Variants in GIGYF2 observed in about 807,000 individuals in gnomAD.
The protein encoded by GIGYF2 is GRB10-interacting GYF protein 2.
A neutral mutation model predicts 208.1 loss-of-function variants in GIGYF2; 25 were observed. That is an observed-to-expected ratio of 0.12 (90% CI 0.09 to 0.17). GIGYF2 has a LOEUF of 0.17. Ranked by LOEUF, GIGYF2 falls within the 10% of genes least tolerant of loss-of-function variation. The pLI, the probability that GIGYF2 is intolerant of heterozygous loss-of-function variation, is 1.00. For missense variants in GIGYF2, 1,302 were observed against 1,579.4 expected (o/e 0.82, Z 2.98); for synonymous variants, 534 against 543.8 (o/e 0.98, Z 0.25).
chr2:232,797,576 G>A (rs1310545177), intron 14 of GIGYF2, among the ~76,000 whole-genome samples: 4 of 150,546 alleles, frequency 2.7e-5, no homozygotes, highest in Admixed American at 2.0e-4. Context: ...GTAATTATAA[G>A]GAATAATACA....
chr2:232,800,092 G>A (rs945152583), intron 14 of GIGYF2, among the ~76,000 whole-genome samples: 3 of 150,846 alleles, frequency 2.0e-5, no homozygotes, highest in African/African-American at 7.3e-5. Flanking sequence ...TTACTCTGCT[G>A]ATAATGTCTT....
At chr2:232,747,766 T>A (rs1222605786) in intron 4 of GIGYF2, 22 bp downstream of exon 4, 1 of 1,609,000 alleles carries the variant, frequency 6.2e-7, no homozygotes, top group Non-Finnish European at 8.5e-7. Flanking sequence ...GGAAAAGAGT[T>A]CAAAATTGTG....
intron 2 of GIGYF2, among the ~76,000 whole-genome samples, chr2:232,731,975 G>A (rs142579783): frequency 2.0e-5 from 3 of 152,168 alleles, no homozygotes; most frequent in Admixed American, 2.0e-4. Context: ...GAAAATAGAA[G>A]TAAAATAAAT....
chr2:232,758,729 T>C (rs1306073482), intron 6 of GIGYF2, among the ~76,000 whole-genome samples: 2 of 152,210 alleles, frequency 1.3e-5, no homozygotes, highest in Non-Finnish European at 2.9e-5. Context: ...CTATTTTTTA[T>C]ATTTATATGT....
At chr2:232,853,302 C>T (rs1690429490) in intron 28 of GIGYF2, among the ~76,000 whole-genome samples, 1 of 152,136 alleles carries the variant, frequency 6.6e-6, no homozygotes, top group Non-Finnish European at 1.5e-5. Flanking sequence ...CAGAGGGGGC[C>T]ACAGCCTCAT....
chr2:232,723,961 C>T lies in GIGYF2; in HGVS notation c.-43-11194C>T, dbSNP rs112375093. On this transcript the variant is annotated intron_variant, in intron 2 of 28. Transcript: ENST00000373563. Reference sequence around the variant, plus strand: ...CCATGTTAGGCTGGTCTCGAATTCCCGACCTCAGGTGATACGCCTGCCTCG... The same window carrying T: ...CCATGTTAGGCTGGTCTCGAATTCCTGACCTCAGGTGATACGCCTGCCTCG... Among the ~76,000 whole-genome samples, 1,334 of 150,540 alleles carry T rather than the reference C, an allele frequency of 8.9e-3. 28 individuals carry two copies. The highest frequency in any genetic ancestry group is 0.031 in the African/African-American group (1,268 of 40,858).
At chr2:232,733,193 C>T (rs963512232) in intron 2 of GIGYF2, among the ~76,000 whole-genome samples, 4 of 149,520 alleles carry the variant, frequency 2.7e-5, no homozygotes, top group Non-Finnish European at 4.4e-5. Flanking sequence ...GGAGGCGGAG[C>T]TTACAGTGAG....
At chr2:232,740,575 CAAG>C (rs1418879042) in intron 3 of GIGYF2, among the ~76,000 whole-genome samples, 2 of 152,140 alleles carry the variant, frequency 1.3e-5, no homozygotes, top group Non-Finnish European at 2.9e-5. Flanking sequence ...GCGCCTTGCC[CAAG>C]AAGAGCTAAT....
intron 17 of GIGYF2, among the ~76,000 whole-genome samples, chr2:232,811,978 G>T (rs1468989734): frequency 6.6e-6 from 1 of 152,194 alleles, no homozygotes; most frequent in Non-Finnish European, 1.5e-5. Context: ...CTGAGAGGCT[G>T]TAGGACTTGA....
chr2:232,851,319 T>C (rs1690313008), intron 28 of GIGYF2, among the ~76,000 whole-genome samples: 1 of 152,172 alleles, frequency 6.6e-6, no homozygotes, highest in Non-Finnish European at 1.5e-5. Flanking sequence ...GAATTTGGGC[T>C]TTGAAAGAAT....
chr2:232,850,685 G>C (rs1426294407), intron 28 of GIGYF2, among the ~76,000 whole-genome samples: 5 of 152,114 alleles, frequency 3.3e-5, no homozygotes, highest in Admixed American at 3.3e-4. Flanking sequence ...GAATTTCCCT[G>C]GAGGATCCTG....
chr2:232,800,445 A>G (rs1027058748), intron 14 of GIGYF2, among the ~76,000 whole-genome samples: 1 of 151,986 alleles, frequency 6.6e-6, no homozygotes, highest in African/African-American at 2.4e-5. Context: ...ACTCTGGTTC[A>G]TTTTGGGGCC....
chr2:232,781,949 G>A (rs1699735091), intron 8 of GIGYF2, among the ~76,000 whole-genome samples: 1 of 152,186 alleles, frequency 6.6e-6, no homozygotes, highest in Non-Finnish European at 1.5e-5. Context: ...GTTAATGATG[G>A]TTGACTTAAT....
At chr2:232,850,464 T>A in intron 28 of GIGYF2, 55 bp downstream of exon 28, 1 of 1,491,530 alleles carries the variant, frequency 6.7e-7, no homozygotes, top group Non-Finnish European at 9.4e-7. Context: ...TGATACCAGT[T>A]ATCCTGTGTG....
intron 2 of GIGYF2, among the ~76,000 whole-genome samples, chr2:232,703,997 C>T (rs962889277): frequency 1.5e-4 from 23 of 152,186 alleles, no homozygotes; most frequent in Non-Finnish European, 2.9e-4. Context: ...AACTTAGGCT[C>T]TAGTGCCAGT....
chr2:232,716,382 T>G (rs1186445368), intron 2 of GIGYF2, among the ~76,000 whole-genome samples: 2 of 144,060 alleles, frequency 1.4e-5, no homozygotes, highest in Admixed American at 6.9e-5. Context: ...TTGTTTTTTT[T>G]TTTTTTTTTT....
At chr2:232,789,244 TC>T (rs1247038598) in intron 9 of GIGYF2, among the ~76,000 whole-genome samples, 7 of 152,042 alleles carry the variant, frequency 4.6e-5, no homozygotes. Context: ...AAATAGGGCT[TC>T]CGGCTGGATG....
intron 8 of GIGYF2, among the ~76,000 whole-genome samples, chr2:232,769,287 T>C (rs1283440890): frequency 6.6e-6 from 1 of 152,036 alleles, no homozygotes; most frequent in Non-Finnish European, 1.5e-5. Context: ...TCCCGGCACT[T>C]TGGGAGCCCG....
chr2:232,734,106 A>G (rs1009992017), intron 2 of GIGYF2, among the ~76,000 whole-genome samples: 1 of 146,664 alleles, frequency 6.8e-6, no homozygotes, highest in East Asian at 2.0e-4. Context: ...ATTTATTTTA[A>G]AACTTTTTTT....
Sources: allele counts gnomAD v4.1 joint callset (sites outside exome capture counted in the v4.1 genomes callset), GRCh38; gene constraint gnomAD v4.1.1; transcripts MANE v1.5; gene names NCBI Gene and HGNC (gene_info 2026-07-23, HGNC 2026-07-21).